The following GALNTL6 variants were observed in gnomAD, a reference collection of about 807,000 sequenced individuals.
GALNTL6 encodes polypeptide N-acetylgalactosaminyltransferase like 6.
A neutral mutation model predicts 73.7 loss-of-function variants in GALNTL6; 46 were observed. The ratio of observed to expected loss-of-function variants is 0.62; its 90% CI spans 0.49 to 0.80. The LOEUF (loss-of-function observed/expected upper bound fraction) is 0.80, where lower values mean the gene tolerates loss of function less well. GALNTL6 is among the 30% of genes least tolerant of loss of function. GALNTL6 has a pLI of 0.00. For synonymous variants in GALNTL6, 259 were observed against 263.7 expected, an observed-to-expected ratio of 0.98 and a Z score of 0.17; for missense variants, 604 against 755.0, an observed-to-expected ratio of 0.80 and a Z score of 2.34.
chr4:171,928,409 G>C (rs1286161080), intron 2 of GALNTL6, among the ~76,000 whole-genome samples: 1 of 152,200 alleles, frequency 6.6e-6, no homozygotes, highest in Non-Finnish European at 1.5e-5. Context: ...GTGCCTGGAG[G>C]CTAGAACACA....
At chr4:172,731,510 G>A (rs191506208) in intron 5 of GALNTL6, among the ~76,000 whole-genome samples, 26 of 151,928 alleles carry the variant, frequency 1.7e-4, no homozygotes, top group Admixed American at 6.5e-4. Context: ...CCTTTGCTTT[G>A]TTGATCCTTT....
intron 8 of GALNTL6, among the ~76,000 whole-genome samples, chr4:172,906,110 G>C (rs1218792554): frequency 6.6e-6 from 1 of 152,086 alleles, no homozygotes; most frequent in Non-Finnish European, 1.5e-5. Context: ...ACTTCCCCTG[G>C]ATGAGTTTGG....
chr4:172,938,093 G>A (rs1748718373), intron 9 of GALNTL6, among the ~76,000 whole-genome samples: 1 of 152,104 alleles, frequency 6.6e-6, no homozygotes, highest in Admixed American at 6.5e-5. Flanking sequence ...TACTTCACAG[G>A]CACAAAGTTC....
chr4:172,646,235 C>G (rs908750381), intron 5 of GALNTL6, among the ~76,000 whole-genome samples: 5 of 152,074 alleles, frequency 3.3e-5, no homozygotes, highest in Admixed American at 2.6e-4. Flanking sequence ...TGAATTCCTC[C>G]CTCCTAGAAA....
intron 5 of GALNTL6, among the ~76,000 whole-genome samples, chr4:172,674,093 G>A (rs1036947882): frequency 3.3e-5 from 5 of 152,108 alleles, no homozygotes; most frequent in Admixed American, 2.6e-4. Flanking sequence ...TTTTTGTAGT[G>A]GCTGCTAACA....
intron 2 of GALNTL6, among the ~76,000 whole-genome samples, chr4:171,877,461 A>G (rs1739165342): frequency 6.6e-6 from 1 of 152,196 alleles, no homozygotes. Context: ...TGAATCCGAG[A>G]TCATGACAGG....
At chr4:172,268,146 T>C (rs946320737) in intron 3 of GALNTL6, among the ~76,000 whole-genome samples, 3 of 152,350 alleles carry the variant, frequency 2.0e-5, no homozygotes, top group South Asian at 4.1e-4. Context: ...CTCTTAAATC[T>C]TCAAATTATA....
At chr4:172,243,660 A>G (rs1468337271) in intron 3 of GALNTL6, among the ~76,000 whole-genome samples, 1 of 152,188 alleles carries the variant, frequency 6.6e-6, no homozygotes, top group Non-Finnish European at 1.5e-5. Flanking sequence ...ATTGCCGTAG[A>G]TGAACATTTA....
intron 5 of GALNTL6, among the ~76,000 whole-genome samples, chr4:172,572,226 A>C (rs1736788532): frequency 6.6e-6 from 1 of 152,138 alleles, no homozygotes; most frequent in South Asian, 2.1e-4. Context: ...AGCCTCCCTG[A>C]AATCTATTCC....
intron 5 of GALNTL6, among the ~76,000 whole-genome samples, chr4:172,433,397 GTCAC>G (rs1274067355): frequency 6.6e-6 from 1 of 152,030 alleles, no homozygotes; most frequent in Non-Finnish European, 1.5e-5. Flanking sequence ...TTATCATGCT[GTCAC>G]TCTTTGCTCC....
intron 5 of GALNTL6, among the ~76,000 whole-genome samples, chr4:172,663,345 T>C (rs530535266): frequency 6.6e-6 from 1 of 152,298 alleles, no homozygotes; most frequent in Admixed American, 6.5e-5. Flanking sequence ...GCAATCGGAC[T>C]ACCAGCCTAG....
chr4:172,181,342 A>G (rs1735236682), intron 2 of GALNTL6, among the ~76,000 whole-genome samples: 1 of 152,216 alleles, frequency 6.6e-6, no homozygotes, highest in Non-Finnish European at 1.5e-5. Context: ...GTAATCCATC[A>G]CATAAACAGA....
intron 4 of GALNTL6, among the ~76,000 whole-genome samples, chr4:172,332,666 G>T (rs1055351616): frequency 2.0e-5 from 3 of 151,734 alleles, no homozygotes; most frequent in African/African-American, 7.3e-5. Context: ...ATATTTCATT[G>T]TGTATATATA....
At chr4:172,348,431 A>C (rs1741827888) in intron 4 of GALNTL6, 92 bp from the exon 5 acceptor site, 2 of 1,029,048 alleles carry the variant, frequency 1.9e-6, no homozygotes, top group Non-Finnish European at 2.9e-6. Flanking sequence ...TCGTGTTTCC[A>C]CAGTTGTCTG....
intron 2 of GALNTL6, among the ~76,000 whole-genome samples, chr4:172,192,459 T>A (rs539450914): frequency 6.6e-6 from 1 of 151,322 alleles, no homozygotes; most frequent in African/African-American, 2.4e-5. Context: ...AAGTGAATCC[T>A]GCACCTTCAG....
At chr4:172,223,123 T>C (rs531064292) in intron 2 of GALNTL6, among the ~76,000 whole-genome samples, 1 of 152,154 alleles carries the variant, frequency 6.6e-6, no homozygotes, top group Admixed American at 6.6e-5. Flanking sequence ...CCTGATCCTG[T>C]TTCAGATAAT....
intron 5 of GALNTL6, among the ~76,000 whole-genome samples, chr4:172,609,625 C>CTCTCTCTGTGTGTGTGTG (rs753051714): frequency 1.1e-5 from 1 of 92,776 alleles, no homozygotes; most frequent in African/African-American, 4.6e-5. Flanking sequence ...CTCTCTCTCT[C>CTCTCTCTGTGTGTGTGTG]TGTGTGTGTG....
intron 2 of GALNTL6, among the ~76,000 whole-genome samples, chr4:172,109,666 T>G (rs1431797164): frequency 2.6e-5 from 4 of 152,274 alleles, no homozygotes; most frequent in African/African-American, 9.6e-5. Flanking sequence ...AATAAATGGC[T>G]CTGGATAGAA....
intron 5 of GALNTL6, among the ~76,000 whole-genome samples, chr4:172,541,603 A>G (rs1561129350): frequency 6.6e-6 from 1 of 152,252 alleles, no homozygotes; most frequent in East Asian, 1.9e-4. Flanking sequence ...TGAGAGGCCA[A>G]GTAAGGCAAC....
Sources: gnomAD v4.1 joint callset for allele counts (sites outside exome capture counted in the v4.1 genomes callset) on GRCh38, gnomAD v4.1.1 for gene constraint, MANE v1.5 for transcripts, NCBI Gene and HGNC (gene_info 2026-07-23, HGNC 2026-07-21) for gene names.